WDPCP: variants seen among roughly 807,000 people sequenced by gnomAD.
WDPCP encodes WD repeat containing planar cell polarity effector.
In WDPCP, 71 loss-of-function variants were observed where a neutral mutation model predicts 93.1. The ratio of observed to expected loss-of-function variants is 0.76; its 90% CI spans 0.63 to 0.93. The LOEUF is 0.93. Ranked by LOEUF, WDPCP falls within the 40% of genes least tolerant of loss-of-function variation. The pLI, the probability that WDPCP is intolerant of heterozygous loss-of-function variation, is 0.00. For missense variants in WDPCP, 844 were observed against 887.4 expected (o/e 0.95, Z 0.62); for synonymous variants, 315 against 315.0 (o/e 1.00, Z 0.00).
At chr2:63,247,324 C>T (rs1680362738) in intron 14 of WDPCP, among the ~76,000 whole-genome samples, 1 of 152,164 alleles carries the variant, frequency 6.6e-6, no homozygotes, top group Non-Finnish European at 1.5e-5. Context: ...TGCTACTGTA[C>T]TACTTAGTTA....
At chr2:63,269,405 G>A (rs1450672296) in intron 13 of WDPCP, among the ~76,000 whole-genome samples, 1 of 152,140 alleles carries the variant, frequency 6.6e-6, no homozygotes, top group Admixed American at 6.5e-5. Context: ...ACTTGATCCA[G>A]ATTTCAAAAT....
At chr2:63,278,129 C>A (rs557566400) in intron 13 of WDPCP, among the ~76,000 whole-genome samples, 21 of 152,278 alleles carry the variant, frequency 1.4e-4, no homozygotes, top group African/African-American at 5.1e-4. Context: ...CATGCAAATA[C>A]ATGGAAATTA....
At chr2:63,428,996 G>C (rs1696526028) in intron 9 of WDPCP, among the ~76,000 whole-genome samples, 1 of 151,974 alleles carries the variant, frequency 6.6e-6, no homozygotes, top group Non-Finnish European at 1.5e-5. Context: ...GAACAGAATA[G>C]AGAACCCAGA....
rs115635318 is a variant in WDPCP at position 63,798,123 on chromosome 2, G to C, written n.308+15499C>G. On this transcript the variant is annotated intron_variant and non_coding_transcript_variant, in intron 2 of 4. Coordinates refer to the WDPCP transcript ENST00000467687. ...TGAAGAATAACTAAAGACTTTCCCA[G>C]AACAATAAAAGCTGAGGGATTTCAT... Among the ~76,000 whole-genome samples, 1,481 of 152,200 alleles carry C rather than the reference G, an allele frequency of 9.7e-3. 22 individuals are homozygous for C. The highest frequency in any genetic ancestry group is 0.035 in the African/African-American group (1,434 of 41,532).
chr2:63,580,457 T>C (rs750954427), intron 1 of WDPCP, among the ~76,000 whole-genome samples: 1 of 152,142 alleles, frequency 6.6e-6, no homozygotes, highest in African/African-American at 2.4e-5. Flanking sequence ...ACATCATAAA[T>C]AATAAGACAT....
intron 8 of WDPCP, among the ~76,000 whole-genome samples, chr2:63,436,951 G>T (rs1697174188): frequency 6.6e-6 from 1 of 152,036 alleles, no homozygotes. Flanking sequence ...GTTATAGCTG[G>T]AGGGGGAGGG....
intron 12 of WDPCP, among the ~76,000 whole-genome samples, chr2:63,319,673 T>A (rs1296803925): frequency 6.6e-6 from 1 of 152,054 alleles, no homozygotes; most frequent in Admixed American, 6.6e-5. Context: ...AGAGATGGGG[T>A]TTCACTGTGT....
chr2:63,294,246 G>A (rs936553708), intron 13 of WDPCP, among the ~76,000 whole-genome samples: 4 of 152,190 alleles, frequency 2.6e-5, no homozygotes, highest in African/African-American at 7.2e-5. Context: ...GCTCATGCCT[G>A]TAATCCCCAC....
At chr2:63,777,266 TAAAACC>T (rs2103963007) in intron 2 of WDPCP, among the ~76,000 whole-genome samples, 1 of 152,240 alleles carries the variant, frequency 6.6e-6, no homozygotes, top group South Asian at 2.1e-4. Flanking sequence ...TAATGCAAAT[TAAAACC>T]ATACCTACTA....
rs558866716 is a variant in WDPCP at position 63,485,240 on chromosome 2, G to T, written c.254-253C>A. Reference sequence around the variant, plus strand: ...GCTTGGAGAATCCCTGGGAAAGTTTGCTAGGCTTGTGAATCTAGTAATTCA... The same window carrying T: ...GCTTGGAGAATCCCTGGGAAAGTTTTCTAGGCTTGTGAATCTAGTAATTCA... On this transcript the variant is annotated intron_variant, in intron 4 of 17. Transcript: ENST00000272321. Among the ~76,000 whole-genome samples the T allele has an allele frequency of 7.2e-5, 11 of 151,740 alleles. No homozygotes were observed. In the South Asian group the frequency reaches 2.1e-3, roughly 29 times the overall value.
rs1694415937 is a variant in WDPCP, at chr2:63,404,556, GTCT to G, written c.924_926del (p.Asp309del). ...TGCAGCTGTCAGCCATGGGCTCTTT[GTCT>G]ACACTTACGGAGTGCTCCACTGTGA... On this transcript the variant is annotated inframe_deletion, in exon 10 of 18. Transcript: ENST00000272321. The G allele has an allele frequency of 2.5e-6, 4 of 1,613,634 alleles. No individual in the cohort carries two copies. Among genetic ancestry groups the G allele is most frequent in the Non-Finnish European group, 1.7e-6 (2 of 1,179,828 alleles).
chr2:63,787,898 G>A (rs563973329), intron 2 of WDPCP, among the ~76,000 whole-genome samples: 3 of 152,084 alleles, frequency 2.0e-5, no homozygotes, highest in African/African-American at 7.2e-5. Flanking sequence ...AAAGGAGCTG[G>A]GTGTGGTGGC....
At chr2:63,733,927 G>A (rs547583757) in intron 2 of WDPCP, among the ~76,000 whole-genome samples, 4 of 151,986 alleles carry the variant, frequency 2.6e-5, no homozygotes, top group South Asian at 2.1e-4. Context: ...TCTTCCCAGC[G>A]TCTGGCAACC....
At chr2:63,810,668 T>C (rs1364450907) in intron 2 of WDPCP, among the ~76,000 whole-genome samples, 1 of 152,178 alleles carries the variant, frequency 6.6e-6, no homozygotes, top group Admixed American at 6.5e-5. Context: ...GTCTCACATG[T>C]TATACTTGGG....
chr2:63,684,019 T>C (rs1242493008), intron 2 of WDPCP, among the ~76,000 whole-genome samples: 1 of 152,146 alleles, frequency 6.6e-6, no homozygotes, highest in Non-Finnish European at 1.5e-5. Flanking sequence ...AATACAATGA[T>C]AGCCGGAGAC....
intron 14 of WDPCP, among the ~76,000 whole-genome samples, chr2:63,235,175 C>T (rs1679279633): frequency 6.6e-6 from 1 of 151,958 alleles, no homozygotes. Flanking sequence ...ACAACAGATC[C>T]CACAGATATA....
intron 9 of WDPCP, among the ~76,000 whole-genome samples, chr2:63,423,238 G>A (rs1014402671): frequency 4.6e-5 from 7 of 152,226 alleles, no homozygotes; most frequent in Middle Eastern, 6.8e-3. Context: ...TTTAAAAATT[G>A]CCATCCCTAA....
intron 3 of WDPCP, chr2:63,599,107 T>G: frequency 6.5e-7 from 1 of 1,529,014 alleles, no homozygotes; most frequent in Non-Finnish European, 8.8e-7. Context: ...CAGTCAAATT[T>G]TAACATAGAT....
intron 9 of WDPCP, among the ~76,000 whole-genome samples, chr2:63,406,249 T>C (rs865829548): frequency 6.6e-6 from 1 of 152,184 alleles, no homozygotes. Context: ...TTCAAACCGT[T>C]CAATGGCTAC....
Sources: gnomAD v4.1 joint callset for allele counts (sites outside exome capture counted in the v4.1 genomes callset) on GRCh38, gnomAD v4.1.1 for gene constraint, MANE v1.5 for transcripts, NCBI Gene and HGNC (gene_info 2026-07-23, HGNC 2026-07-21) for gene names.